The following CDIN1 variants were observed in gnomAD, a reference collection of about 807,000 sequenced individuals.
The protein encoded by CDIN1 is CDAN1-interacting nuclease 1.
CDIN1 carries 33 observed loss-of-function variants against 45.3 expected under a neutral mutation model. That is an observed-to-expected ratio of 0.73 (90% CI 0.55 to 0.97). CDIN1 has a LOEUF of 0.97. Ranked by LOEUF, CDIN1 falls within the 50% of genes least tolerant of loss-of-function variation. CDIN1 has a pLI of 0.00. For synonymous variants in CDIN1, 118 were observed against 124.4 expected, an observed-to-expected ratio of 0.95 and a Z score of 0.34; for missense variants, 303 against 339.4, an observed-to-expected ratio of 0.89 and a Z score of 0.84.
chr15:36,777,401 G>T (rs1293587385), intron 10 of CDIN1, among the ~76,000 whole-genome samples: 1 of 138,392 alleles, frequency 7.2e-6, no homozygotes. Context: ...TTGGTTTTTA[G>T]ATCTGAAAAA....
At chr15:36,751,880 A>G (rs1376486071) in intron 10 of CDIN1, among the ~76,000 whole-genome samples, 2 of 152,358 alleles carry the variant, frequency 1.3e-5, no homozygotes, top group East Asian at 3.9e-4. Context: ...CATTATGCTC[A>G]GCAAACTAAC....
At chr15:36,657,943 C>T in intron 5 of CDIN1, 38 bp downstream of exon 5, 4 of 1,506,294 alleles carry the variant, frequency 2.7e-6, no homozygotes, top group Non-Finnish European at 3.6e-6. Context: ...CTCTTTTACT[C>T]CCTTCCCCAA....
Position 36,579,721 on chromosome 15 carries a change from A to AG in CDIN1, c.-134dup. The AG allele has an allele frequency of 6.2e-6, 4 of 641,156 alleles. No homozygotes were observed. Among genetic ancestry groups the AG allele is most frequent in the Admixed American group, 3.0e-5 (1 of 33,666 alleles). The allele number at this position is 641,156 out of a possible 1,614,324, so 39.7% of individuals were successfully genotyped here. ...GCTTTTGCAGCTAGGGGTGTGTTTC[A>AG]GGGGGGATTGGGGCAAGCCAAGCAG... On this transcript the variant is annotated 5_prime_UTR_variant, in exon 1 of 11. Transcript: ENST00000566621.
intron 10 of CDIN1, among the ~76,000 whole-genome samples, chr15:36,796,079 TTC>T (rs1418595592): frequency 2.6e-5 from 4 of 152,178 alleles, no homozygotes; most frequent in African/African-American, 9.7e-5. Context: ...GATAACAGTT[TTC>T]TTTTTCCTAC....
At chr15:36,698,545 G>A (rs145405081) in intron 8 of CDIN1, among the ~76,000 whole-genome samples, 270 of 152,272 alleles carry the variant, frequency 1.8e-3, no homozygotes, top group African/African-American at 6.3e-3. Flanking sequence ...AGGAAAATAC[G>A]TAATAGTTCA....
intron 5 of CDIN1, 68 bp downstream of exon 5, chr15:36,657,973 G>A (rs1447930487): frequency 1.5e-6 from 2 of 1,327,198 alleles, no homozygotes; most frequent in South Asian, 1.3e-5. Context: ...AATTTACACA[G>A]CATTTCAAGT....
At chr15:36,763,985 C>T (rs1226989747) in intron 10 of CDIN1, among the ~76,000 whole-genome samples, 1 of 152,082 alleles carries the variant, frequency 6.6e-6, no homozygotes, top group Non-Finnish European at 1.5e-5. Flanking sequence ...CAAAACAAAC[C>T]ACAAGTTCAA....
chr15:36,617,590 A>G (rs2038954049), intron 1 of CDIN1: 3 of 778,948 alleles, frequency 3.9e-6, no homozygotes, highest in Non-Finnish European at 7.1e-6. Context: ...AAAGTTGACC[A>G]CAGACCCTGA....
At chr15:36,592,294 A>G (rs1215229171) in intron 1 of CDIN1, among the ~76,000 whole-genome samples, 2 of 152,168 alleles carry the variant, frequency 1.3e-5, no homozygotes, top group Admixed American at 6.5e-5. Flanking sequence ...GCGACCTCAC[A>G]TTGGTAGCTT....
At chr15:36,609,065 C>CAGTG (rs1209175332) in intron 1 of CDIN1, among the ~76,000 whole-genome samples, 3 of 152,156 alleles carry the variant, frequency 2.0e-5, no homozygotes, top group Non-Finnish European at 4.4e-5. Flanking sequence ...GGCTGGAGTG[C>CAGTG]AGTGACATGA....
intron 5 of CDIN1, among the ~76,000 whole-genome samples, chr15:36,665,190 A>G (rs2041201592): frequency 6.6e-6 from 1 of 152,152 alleles, no homozygotes; most frequent in Non-Finnish European, 1.5e-5. Flanking sequence ...AAAATAACTT[A>G]TTTTCACTAG....
In CDIN1 at chr15:36,583,208, GA is replaced by G. The variant is rs201186599; in HGVS notation, c.101+3254del. Among the ~76,000 whole-genome samples, 813 of 151,862 alleles carry G rather than the reference GA, an allele frequency of 5.4e-3. 15 individuals are homozygous for G. The highest frequency in any genetic ancestry group is 0.018 in the African/African-American group (762 of 41,466). ...TTCTTTTCTGTCCTAATATATGAAA[GA>G]AAAAAATATTTCACCTAAATTTTCT... On this transcript the variant is annotated intron_variant, in intron 1 of 10. Coordinates refer to ENST00000566621, the MANE Select transcript of CDIN1 (RefSeq NM_001321759.2).
intron 10 of CDIN1, among the ~76,000 whole-genome samples, chr15:36,752,267 C>T (rs1005833819): frequency 6.6e-6 from 1 of 152,090 alleles, no homozygotes; most frequent in African/African-American, 2.4e-5. Flanking sequence ...CTGGTTATGC[C>T]AAAGATATAT....
chr15:36,628,757 A>G (rs1402161431), intron 1 of CDIN1, among the ~76,000 whole-genome samples: 1 of 152,180 alleles, frequency 6.6e-6, no homozygotes, highest in Non-Finnish European at 1.5e-5. Flanking sequence ...CCTTAAAGAT[A>G]TTAGGTCCTA....
chr15:36,718,812 C>CTTTTTTTTTTTT (rs3045909), intron 10 of CDIN1, among the ~76,000 whole-genome samples: 9 of 96,654 alleles, frequency 9.3e-5, no homozygotes, highest in South Asian at 4.1e-4. Flanking sequence ...AATTTGTATG[C>CTTTTTTTTTTTT]TTTTTTTTTT....
chr15:36,605,144 A>T (rs886495022), intron 1 of CDIN1, among the ~76,000 whole-genome samples: 1 of 152,146 alleles, frequency 6.6e-6, no homozygotes, highest in African/African-American at 2.4e-5. Flanking sequence ...TCTTTTAAAT[A>T]TCTATATTAT....
chr15:36,718,223 C>A (rs1470323109), intron 10 of CDIN1, among the ~76,000 whole-genome samples: 1 of 152,024 alleles, frequency 6.6e-6, no homozygotes, highest in Non-Finnish European at 1.5e-5. Context: ...TTTGTTCCAT[C>A]ATCGGTTTGT....
intron 9 of CDIN1, 88 bp from the exon 10 acceptor site, chr15:36,709,768 A>G: frequency 2.1e-6 from 2 of 939,298 alleles, no homozygotes; most frequent in Admixed American, 3.5e-5. Context: ...GTGCTCATTA[A>G]TGTGAAGCAT....
intron 5 of CDIN1, among the ~76,000 whole-genome samples, chr15:36,662,650 G>T (rs2041061115): frequency 6.6e-6 from 1 of 152,112 alleles, no homozygotes; most frequent in African/African-American, 2.4e-5. Flanking sequence ...TGGAATTCAT[G>T]TTCTTCATTC....
Sources: allele counts gnomAD v4.1 joint callset (sites outside exome capture counted in the v4.1 genomes callset), GRCh38; gene constraint gnomAD v4.1.1; transcripts MANE v1.5; gene names NCBI Gene and HGNC (gene_info 2026-07-23, HGNC 2026-07-21).